Variants in ATM observed in about 807,000 individuals in gnomAD.
ATM encodes serine-protein kinase ATM.
Under a neutral mutation model 387.0 loss-of-function variants are expected in ATM, and 308 were observed. The ratio of observed to expected loss-of-function variants is 0.80; its 90% CI spans 0.73 to 0.87. The LOEUF is 0.87. ATM is among the 40% of genes least tolerant of loss of function. The pLI, the probability that ATM is intolerant of heterozygous loss-of-function variation, is 0.00. For missense variants in ATM, 3,312 were observed against 3,560.9 expected, an observed-to-expected ratio of 0.93 and a Z score of 1.78; for synonymous variants, 1,156 against 1,187.3, an observed-to-expected ratio of 0.97 and a Z score of 0.54.
At chr11:108,260,579 G>A (rs1384913019) in intron 16 of ATM, among the ~76,000 whole-genome samples, 1 of 152,032 alleles carries the variant, frequency 6.6e-6, no homozygotes, top group Non-Finnish European at 1.5e-5. Context: ...ACCCTCTTTG[G>A]GTAACACTTT....
At chr11:108,297,189 A>T (rs921145912) in intron 32 of ATM, 98 bp from the exon 33 acceptor site, 28 of 1,034,494 alleles carry the variant, frequency 2.7e-5, no homozygotes, top group Non-Finnish European at 3.9e-5. Flanking sequence ...TAAACTTTAT[A>T]GAAGTTTTCT....
At chr11:108,308,382 C>T (rs2083859267) in intron 38 of ATM, 1 of 242,668 alleles carries the variant, frequency 4.1e-6, no homozygotes, top group Non-Finnish European at 8.1e-6. Flanking sequence ...CTTTATGTAT[C>T]TTTATTTTAA....
At position 108,354,794 on chromosome 11, in the gene ATM, A is replaced by G; in HGVS notation, c.8787-17A>G. ...GGTGTGTAACAAAATCCGTATTTAT[A>G]ATGTGTTTGACTCTAGATGCTGTGA... On this transcript the variant is annotated splice_polypyrimidine_tract_variant and intron_variant, in intron 60 of 62. Coordinates refer to ENST00000675843, the MANE Select transcript of ATM (RefSeq NM_000051.4). 1 of 1,608,238 alleles carries G rather than the reference A, an allele frequency of 6.2e-7. No homozygotes were observed. The highest frequency in any genetic ancestry group is 1.1e-5 in the South Asian group (1 of 90,990).
intron 22 of ATM, among the ~76,000 whole-genome samples, chr11:108,273,997 G>A (rs1231079714): frequency 6.6e-6 from 1 of 152,114 alleles, no homozygotes; most frequent in Non-Finnish European, 1.5e-5. Flanking sequence ...GAATCCCTCT[G>A]GTCCTGGGCT....
chr11:108,248,115 A>G (rs2135280216), intron 8 of ATM, among the ~76,000 whole-genome samples: 1 of 152,310 alleles, frequency 6.6e-6, no homozygotes, highest in East Asian at 1.9e-4. Context: ...ATGTTTTACC[A>G]TGAATCAGTA....
chr11:108,224,740 T>C (rs576157031), intron 1 of ATM: 2 of 152,294 alleles, frequency 1.3e-5, no homozygotes, highest in Admixed American at 1.3e-4. Context: ...CTAAAATGAT[T>C]CTCTCTACAG....
At chr11:108,297,057 G>T in intron 32 of ATM, 1 of 502,620 alleles carries the variant, frequency 2.0e-6, no homozygotes. Flanking sequence ...ATTTGTTTAA[G>T]ACATTTTATT....
intron 32 of ATM, chr11:108,295,261 G>C: frequency 1.6e-6 from 1 of 621,016 alleles, no homozygotes; most frequent in African/African-American, 1.9e-5. Context: ...TTCATCCTCT[G>C]CCAGATGATT....
intron 22 of ATM, among the ~76,000 whole-genome samples, chr11:108,277,292 C>G (rs1356759645): frequency 6.6e-6 from 1 of 152,206 alleles, no homozygotes; most frequent in Non-Finnish European, 1.5e-5. Context: ...TGGATCTTAA[C>G]TTGCTGGTCT....
rs1234427651 is a variant in ATM at position 108,366,074 on chromosome 11, G to C, written c.*566G>C. ...CAGAAACGTATTTGGATTTTTCCTA[G>C]TAAGATCACTCAGTGTTACTAAATA... On this transcript the variant is annotated 3_prime_UTR_variant, in exon 63 of 63. Transcript: ENST00000675843. The C allele has an allele frequency of 1.1e-5, 2 of 179,008 alleles. No homozygotes were observed. The highest frequency in any genetic ancestry group is 2.4e-5 in the African/African-American group (1 of 41,776). 11.1% of individuals were successfully genotyped at this position (179,008 alleles called of 1,614,324 possible).
chr11:108,342,466 A>G (rs913734782), intron 56 of ATM, among the ~76,000 whole-genome samples: 5 of 152,198 alleles, frequency 3.3e-5, no homozygotes, highest in African/African-American at 1.2e-4. Flanking sequence ...CTATTTGTGT[A>G]CATATAGCTT....
chr11:108,239,578 T>C (rs547145163), intron 5 of ATM, among the ~76,000 whole-genome samples: 7 of 152,236 alleles, frequency 4.6e-5, no homozygotes, highest in Non-Finnish European at 8.8e-5. Flanking sequence ...TACCTTCTGA[T>C]TATTGTGAAT....
intron 59 of ATM, among the ~76,000 whole-genome samples, chr11:108,348,228 A>G (rs979894498): frequency 6.6e-6 from 1 of 151,908 alleles, no homozygotes; most frequent in African/African-American, 2.4e-5. Flanking sequence ...CTATGTATAT[A>G]TATAGACAGT....
intron 42 of ATM, among the ~76,000 whole-genome samples, chr11:108,316,794 C>G (rs868499686): frequency 2.0e-4 from 29 of 145,740 alleles, no homozygotes; most frequent in African/African-American, 6.8e-4. Flanking sequence ...GGTGTGGTGG[C>G]GGGTGCCTGT....
intron 61 of ATM, among the ~76,000 whole-genome samples, chr11:108,356,314 T>A (rs2089916992): frequency 6.6e-6 from 1 of 152,108 alleles, no homozygotes; most frequent in Non-Finnish European, 1.5e-5. Context: ...GACAGGTGGA[T>A]CACCTGAGGT....
At position 108,251,889 on chromosome 11, in the gene ATM, AC is replaced by A; in HGVS notation, c.1661del (p.Thr554ArgfsTer2). On this transcript the variant is annotated frameshift_variant, in exon 11 of 63. Coordinates refer to ENST00000675843, the MANE Select transcript of ATM (RefSeq NM_000051.4). LOFTEE classifies it high-confidence loss of function. ...ACTGACCACCAGTATAGTTCCAGGA[AC>A]GGTAAAAATGGGAATAGAGCAAAAT... ...LALTTSIVPG[T>X]VKMGIEQNMC... is the part of the protein sequence containing the mutation. The A allele has an allele frequency of 6.2e-7, 1 of 1,613,978 alleles. No individual in the cohort carries two copies. Among genetic ancestry groups the A allele is most frequent in the Non-Finnish European group, 8.5e-7 (1 of 1,179,856 alleles).
intron 6 of ATM, 71 bp from the exon 7 acceptor site, chr11:108,244,717 T>C: frequency 8.3e-7 from 1 of 1,203,814 alleles, no homozygotes; most frequent in South Asian, 1.2e-5. Flanking sequence ...AGCATACCAC[T>C]TCATAACTGT....
intron 16 of ATM, among the ~76,000 whole-genome samples, chr11:108,259,950 CTTTA>C (rs541971719): frequency 2.7e-5 from 4 of 149,764 alleles, no homozygotes; most frequent in South Asian, 2.1e-4. Flanking sequence ...TGCTGTTATA[CTTTA>C]TTTATTTAGC....
At position 108,294,952 on chromosome 11, in the gene ATM, G is replaced by C. The variant is rs587782506; in HGVS notation, c.4802G>C (p.Ser1601Thr). Residue 1601 changes from serine to threonine, a missense_variant, in exon 32 of 63, where the codon AGT becomes ACT. By Grantham distance (58) the Ser-to-Thr change is moderately conservative. This residue lies in a region of ATM where 1,405 missense variants were observed against 1,604.4 expected (regional missense o/e 0.88). Coordinates refer to ENST00000675843, the MANE Select transcript of ATM (RefSeq NM_000051.4). The part of the protein sequence containing the change: ...LEEINHFLSV[S>T]VYDALPLTRL... ...GAAATTAACCATTTTCTCTCAGTAAGTGTTTATGATGCACTTCCATTGACA... is the reference window on the plus strand; with the variant it reads ...GAAATTAACCATTTTCTCTCAGTAACTGTTTATGATGCACTTCCATTGACA... 6.2e-7 allele frequency: 1 copy of C among 1,613,818 alleles called. No homozygotes were observed. Among genetic ancestry groups the C allele is most frequent in the Non-Finnish European group, 8.5e-7 (1 of 1,179,852 alleles).
Sources: gnomAD v4.1 joint callset for allele counts (sites outside exome capture counted in the v4.1 genomes callset) on GRCh38, gnomAD v4.1.1 for gene constraint, gnomAD v4.1.1 regional missense constraint, MANE v1.5 for transcripts, NCBI Gene and HGNC (gene_info 2026-07-23, HGNC 2026-07-21) for gene names.